The following RALB variants were observed in gnomAD, a reference collection of about 807,000 sequenced individuals.
The protein encoded by RALB is ras-related protein Ral-B.
Under a neutral mutation model 21.3 loss-of-function variants are expected in RALB, and 16 were observed. The ratio of observed to expected loss-of-function variants is 0.75; its 90% CI spans 0.51 to 1.14. The LOEUF is 1.14. RALB is among the 50% of genes most tolerant of loss of function. The probability of loss-of-function intolerance (pLI) is 0.00; values close to 1 mark genes in which losing one functional copy is unlikely to be tolerated. For missense variants in RALB, 161 were observed against 256.2 expected, an observed-to-expected ratio of 0.63 and a Z score of 2.54; for synonymous variants, 93 against 96.1, an observed-to-expected ratio of 0.97 and a Z score of 0.19.
chr2:120,274,376 G>A (rs866644217), intron 1 of RALB, among the ~76,000 whole-genome samples: 1 of 152,112 alleles, frequency 6.6e-6, no homozygotes, highest in South Asian at 2.1e-4. Flanking sequence ...CAAAGGGGGA[G>A]TGGAAAGAAC....
At chr2:120,246,264 GC>G (rs1210326603) in intron 1 of RALB, among the ~76,000 whole-genome samples, 2 of 152,198 alleles carry the variant, frequency 1.3e-5, no homozygotes, top group Non-Finnish European at 2.9e-5. Context: ...CCATGGCACT[GC>G]CCCTCCTGAG....
At chr2:120,243,358 C>T (rs1688923360) in intron 1 of RALB, among the ~76,000 whole-genome samples, 1 of 152,230 alleles carries the variant, frequency 6.6e-6, no homozygotes, top group Non-Finnish European at 1.5e-5. Flanking sequence ...ACTCTCGCCC[C>T]AGCCCTTACC....
chr2:120,247,120 G>A (rs1028019388), intron 1 of RALB, among the ~76,000 whole-genome samples: 11 of 152,198 alleles, frequency 7.2e-5, no homozygotes, highest in Non-Finnish European at 1.5e-4. Context: ...TTCCCGTGCA[G>A]GTTGTGGGAA....
chr2:120,283,812 C>T (rs1690054956), intron 2 of RALB, among the ~76,000 whole-genome samples: 1 of 152,192 alleles, frequency 6.6e-6, no homozygotes, highest in African/African-American at 2.4e-5. Flanking sequence ...GTAGGGGATA[C>T]GTATGGTTCA....
rs543024636 is a variant in RALB, at chr2:120,277,411, G to A, written c.-47-1207G>A. On this transcript the variant is annotated intron_variant, in intron 1 of 4. Transcript: ENST00000272519. ...TGTATGTGTGAGAGCATGTGAACAC[G>A]CATGTGCATGTTAGAGCCTCTGAGC... 6.7e-4 allele frequency among the ~76,000 whole-genome samples: 101 copies of A among 151,352 alleles called. No individual in the cohort carries two copies. The South Asian group carries it at 7.5e-3, about 11-fold the overall frequency.
chr2:120,262,735 G>A (rs937682795), intron 1 of RALB, among the ~76,000 whole-genome samples: 1 of 152,192 alleles, frequency 6.6e-6, no homozygotes, highest in Non-Finnish European at 1.5e-5. Flanking sequence ...TTCGGGAGTT[G>A]CTGGGGAGAT....
At chr2:120,269,109 TG>T (rs1358630406) in intron 1 of RALB, among the ~76,000 whole-genome samples, 1 of 152,172 alleles carries the variant, frequency 6.6e-6, no homozygotes, top group African/African-American at 2.4e-5. Flanking sequence ...AAAATTTGGT[TG>T]TAATTTGGTT....
chr2:120,293,186 G>T lies in RALB; in HGVS notation c.547G>T (p.Glu183Ter). ...AGAAATCAGAACAAAGAAGATGTCA[G>T]AAAACAAAGACAAGAATGGCAAGAA... ...MREIRTKKMS[E>*]NKDKNGKKSS... Residue 183 changes from glutamate to a stop codon, truncating the protein, a stop_gained, in exon 5 of 5, where the codon GAA (glutamate) becomes TAA (stop). Transcript: ENST00000272519. LOFTEE classifies it high-confidence loss of function. The T allele has an allele frequency of 6.2e-7, 1 of 1,613,562 alleles. No homozygotes were observed. Among genetic ancestry groups the T allele is most frequent in the South Asian group, 1.1e-5 (1 of 91,010 alleles).
At chr2:120,271,989 G>A (rs926016575) in intron 1 of RALB, among the ~76,000 whole-genome samples, 5 of 152,096 alleles carry the variant, frequency 3.3e-5, no homozygotes, top group African/African-American at 7.2e-5. Context: ...CATGTTGAAG[G>A]GTGCCATCTT....
At chr2:120,251,299 T>C (rs778194595), upstream of RALB, among the ~76,000 whole-genome samples, 11 of 152,192 alleles carry the variant, frequency 7.2e-5, no homozygotes, top group Non-Finnish European at 1.5e-4. Flanking sequence ...CTTTGGGAGA[T>C]AAGGCTGTAC....
At position 120,273,356 on chromosome 2, in the gene RALB, G is replaced by A. The variant is rs567793939; in HGVS notation, c.-47-5262G>A. ...TGGTTGAGTCATAAGTCCATGTGGGGTCAGTCTGAAAAACATCTCAAAAGA... is the reference window on the plus strand; with the variant it reads ...TGGTTGAGTCATAAGTCCATGTGGGATCAGTCTGAAAAACATCTCAAAAGA... On this transcript the variant is annotated intron_variant, in intron 1 of 4. Transcript: ENST00000272519. 2.1e-4 allele frequency among the ~76,000 whole-genome samples: 32 copies of A among 152,292 alleles called. No individual in the cohort carries two copies. The South Asian group carries it at 5.6e-3, about 27-fold the overall frequency.
At chr2:120,280,492 T>G (rs573336820) in intron 2 of RALB, among the ~76,000 whole-genome samples, 2 of 141,624 alleles carry the variant, frequency 1.4e-5, no homozygotes, top group Non-Finnish European at 3.0e-5. Context: ...TAAGTGGGAG[T>G]TGAACAATGA....
At chr2:120,285,189 C>G (rs1573355760) in intron 2 of RALB, among the ~76,000 whole-genome samples, 1 of 152,050 alleles carries the variant, frequency 6.6e-6, no homozygotes, top group African/African-American at 2.4e-5. Flanking sequence ...AAGTGCAGAG[C>G]GAAGTGGGGA....
At chr2:120,258,158 G>A (rs1014615767) in intron 1 of RALB, among the ~76,000 whole-genome samples, 1 of 152,136 alleles carries the variant, frequency 6.6e-6, no homozygotes, top group Non-Finnish European at 1.5e-5. Flanking sequence ...AAACACTTCA[G>A]TGGCTTTCCA....
rs745475477 is a variant in RALB at position 120,289,698 on chromosome 2, G to A, written c.442G>A (p.Glu148Lys). 12 of 1,614,100 alleles carry A rather than the reference G, an allele frequency of 7.4e-6. No individual in the cohort carries two copies. Among genetic ancestry groups the A allele is most frequent in the South Asian group, 5.5e-5 (5 of 91,086 alleles). ...TGTGGAGGAGGCCAGGAGTAAAGCC[G>A]AAGAGTGGGGCGTGCAGTACGTGGA... ...VPVEEARSKAEEWGVQYVETS... is the reference protein window; with the variant it reads ...VPVEEARSKAKEWGVQYVETS... The change falls in exon 4 of 5, where the codon GAA becomes AAA. Residue 148 changes from glutamate (E) to lysine (K), a missense_variant. Coordinates refer to ENST00000272519, the MANE Select transcript of RALB (RefSeq NM_002881.3).
chr2:120,291,471 G>A (rs1020701351), intron 4 of RALB, among the ~76,000 whole-genome samples: 5 of 152,134 alleles, frequency 3.3e-5, no homozygotes, highest in Non-Finnish European at 7.4e-5. Flanking sequence ...TTGGAACTGT[G>A]GATGTGTATT....
intron 2 of RALB, among the ~76,000 whole-genome samples, chr2:120,281,635 T>TG (rs1012525349): frequency 1.3e-5 from 2 of 152,196 alleles, no homozygotes; most frequent in African/African-American, 4.8e-5. Flanking sequence ...TATCTTATTC[T>TG]GGGGGGTCAA....
intron 4 of RALB, among the ~76,000 whole-genome samples, chr2:120,292,683 A>G (rs1385557554): frequency 1.3e-5 from 2 of 152,188 alleles, no homozygotes. Context: ...GGCCGGGTGC[A>G]GTGGCTGACG....
chr2:120,291,300 C>T (rs1051049671), intron 4 of RALB, among the ~76,000 whole-genome samples: 7 of 152,060 alleles, frequency 4.6e-5, no homozygotes, highest in African/African-American at 1.4e-4. Flanking sequence ...GCGCGTGTTC[C>T]GCCGTCAGCT....
Sources: gnomAD v4.1 joint callset for allele counts (sites outside exome capture counted in the v4.1 genomes callset) on GRCh38, gnomAD v4.1.1 for gene constraint, MANE v1.5 for transcripts, NCBI Gene and HGNC (gene_info 2026-07-23, HGNC 2026-07-21) for gene names.